Variants in NOTCH2 observed in about 807,000 individuals in gnomAD.
NOTCH2 encodes the protein neurogenic locus notch homolog protein 2.
In NOTCH2, 29 loss-of-function variants were observed where a neutral mutation model predicts 235.8. That is an observed-to-expected ratio of 0.12 (90% CI 0.09 to 0.17). The LOEUF (loss-of-function observed/expected upper bound fraction) is 0.17. NOTCH2 is among the 10% of genes least tolerant of loss of function. NOTCH2 has a pLI of 1.00. For missense variants in NOTCH2, 2,285 were observed against 3,150.2 expected (o/e 0.73, Z 6.57); for synonymous variants, 1,086 against 1,141.5 (o/e 0.95, Z 0.98).
intron 22 of NOTCH2, chr1:119,935,064 C>T (rs1649797936): frequency 2.1e-6 from 2 of 966,622 alleles, no homozygotes; most frequent in Middle Eastern, 5.3e-4. Flanking sequence ...ATTCATTCCC[C>T]CACCTTATAG....
At chr1:120,010,962 T>A (rs1336142519) in intron 2 of NOTCH2, among the ~76,000 whole-genome samples, 1 of 152,198 alleles carries the variant, frequency 6.6e-6, no homozygotes, top group Non-Finnish European at 1.5e-5. Context: ...TTCTGATACA[T>A]GCTACAACAT....
At chr1:119,996,614 G>A (rs587745182) in intron 4 of NOTCH2, 10 of 815,768 alleles carry the variant, frequency 1.2e-5, no homozygotes, top group African/African-American at 1.2e-4. Context: ...TACTGTTAAT[G>A]TCAATTCAGT....
At chr1:119,995,418 C>T (rs1652401143) in intron 4 of NOTCH2, 1 of 151,748 alleles carries the variant, frequency 6.6e-6, no homozygotes, top group Non-Finnish European at 1.5e-5. Flanking sequence ...TAGCCTTCAA[C>T]AATAAATCAC....
intron 14 of NOTCH2, 45 bp from the exon 15 acceptor site, chr1:119,950,882 A>G (rs782599178): frequency 8.3e-7 from 1 of 1,207,710 alleles, no homozygotes; most frequent in Non-Finnish European, 1.2e-6. Context: ...ACTTTCTGAC[A>G]GCCTCATCAA....
intron 4 of NOTCH2, 45 bp from the exon 5 acceptor site, chr1:119,987,127 A>T (rs2453040): frequency 1.8e-5 from 29 of 1,610,940 alleles, no homozygotes; most frequent in South Asian, 1.6e-4. Flanking sequence ...CTCATACAGA[A>T]GAAACGACCT....
At chr1:119,935,667 GC>G (rs1649824152) in intron 21 of NOTCH2, 63 bp from the exon 22 acceptor site, 2 of 1,560,152 alleles carry the variant, frequency 1.3e-6, no homozygotes, top group South Asian at 2.2e-5. Flanking sequence ...GACCATGAGA[GC>G]TAGTGAGATC....
intron 30 of NOTCH2, 28 bp downstream of exon 30, chr1:119,920,201 T>C: frequency 6.2e-7 from 1 of 1,613,276 alleles, no homozygotes; most frequent in South Asian, 1.1e-5. Flanking sequence ...CACAGCCCAG[T>C]GAAGAGGGGA....
intron 1 of NOTCH2, among the ~76,000 whole-genome samples, chr1:120,060,331 G>T (rs1476633391): frequency 1.4e-5 from 2 of 144,202 alleles, no homozygotes; most frequent in Non-Finnish European, 3.1e-5. Context: ...GGCATATTAA[G>T]ATTAAGTAAT....
rs746314617 is a variant in NOTCH2, at chr1:119,926,500, G to C, written c.4004C>G (p.Pro1335Arg). 10 of 1,597,124 alleles carry C rather than the reference G, an allele frequency of 6.3e-6. No individual in the cohort carries two copies. In the East Asian group the frequency reaches 2.2e-4, roughly 36 times the overall value. ...MPDGFICRCP[P>R]GFSGARCQSS... ...TTAGATGAGCAACAGGGCACTTACC[G>C]GGGGACAACGGCAAATGAAACCATC... The change falls in exon 24 of 34, where the codon CCG (proline) becomes CGG (arginine). Residue 1335 changes from proline (P) to arginine (R), a missense_variant and splice_region_variant. Transcript: ENST00000256646.
intron 2 of NOTCH2, among the ~76,000 whole-genome samples, chr1:120,006,972 T>C (rs1463984590): frequency 5.3e-5 from 8 of 152,184 alleles, no homozygotes; most frequent in Non-Finnish European, 1.2e-4. Flanking sequence ...CCCAGAAGAA[T>C]TGTGCGGTAG....
rs1439968793 is a variant in NOTCH2, at chr1:120,005,492, C to T, written c.252G>A (p.Met84Ile). ...QNGGTCVAQA[M>I]LGKATCRCAS... ...CACATCGGCACGTGGCTTTCCCCAGCATGGCCTGGGCCACACAAGTCCCAC... is the reference window on the plus strand; with the variant it reads ...CACATCGGCACGTGGCTTTCCCCAGTATGGCCTGGGCCACACAAGTCCCAC... Residue 84 changes from methionine (M) to isoleucine (I), a missense_variant, in exon 3 of 34, where the codon ATG becomes ATA. Physicochemically the swap from Met to Ile is conservative, Grantham distance 10. Transcript: ENST00000256646. The T allele has an allele frequency of 6.2e-7, 1 of 1,613,484 alleles. No individual in the cohort carries two copies. The highest frequency in any genetic ancestry group is 2.2e-5 in the East Asian group (1 of 44,820).
chr1:119,999,702 T>A (rs1324331176), intron 3 of NOTCH2, among the ~76,000 whole-genome samples: 1 of 151,924 alleles, frequency 6.6e-6, no homozygotes, highest in African/African-American at 2.4e-5. Context: ...GCCAACATGG[T>A]GAAATGCCAT....
Position 119,935,437 on chromosome 1 carries a change from C to T in NOTCH2, c.3655+35G>A, listed in dbSNP as rs587738385. 1.0e-4 allele frequency: 162 copies of T among 1,613,986 alleles called. 1 individual carries two copies. In the East Asian group the frequency reaches 1.8e-3, roughly 18 times the overall value. On this transcript the variant is annotated intron_variant, in intron 22 of 33. Transcript: ENST00000256646. ...AATGGATTTATAACTTAAGACAATG[C>T]CCTGGATGGAAAATGGATAAGGATG...
At chr1:119,987,400 A>T (rs1398207710) in intron 4 of NOTCH2, among the ~76,000 whole-genome samples, 4 of 152,172 alleles carry the variant, frequency 2.6e-5, no homozygotes, top group Non-Finnish European at 4.4e-5. Flanking sequence ...CAAGGGTTCT[A>T]AAAAAACAGG....
chr1:119,968,050 A>G, intron 7 of NOTCH2, 27 bp downstream of exon 7: 1 of 1,613,782 alleles, frequency 6.2e-7, no homozygotes, highest in Non-Finnish European at 8.5e-7. Context: ...GACACTTCAC[A>G]GAACAGAAAA....
chr1:119,945,314 T>C (rs1328400276), intron 17 of NOTCH2, among the ~76,000 whole-genome samples: 1 of 151,640 alleles, frequency 6.6e-6, no homozygotes, highest in Non-Finnish European at 1.5e-5. Flanking sequence ...AAAAGGAAAA[T>C]GGAAACAATA....
intron 11 of NOTCH2, among the ~76,000 whole-genome samples, chr1:119,960,093 T>C (rs1650876535): frequency 6.6e-6 from 1 of 152,170 alleles, no homozygotes; most frequent in South Asian, 2.1e-4. Context: ...GAAACCCCAT[T>C]TTAATTGAAA....
Position 119,917,651 on chromosome 1 carries a change from C to A in NOTCH2, c.6027+14G>T, listed in dbSNP as rs766834643. 11 of 1,575,130 alleles carry A rather than the reference C, an allele frequency of 7.0e-6. No homozygotes were observed. In the South Asian group the frequency reaches 8.9e-5, roughly 13 times the overall value. On this transcript the variant is annotated intron_variant, in intron 33 of 33. Coordinates refer to ENST00000256646, the MANE Select transcript of NOTCH2 (RefSeq NM_024408.4). ...GCTATGAGCCTCCTCAAGCTCAGAGCCCACAAACTGTACCTTGTTGTCCTG... is the reference window on the plus strand; with the variant it reads ...GCTATGAGCCTCCTCAAGCTCAGAGACCACAAACTGTACCTTGTTGTCCTG...
At chr1:119,941,500 T>C (rs1650062644) in intron 18 of NOTCH2, 26 bp downstream of exon 18, 1 of 1,504,116 alleles carries the variant, frequency 6.6e-7, no homozygotes, top group Admixed American at 1.7e-5. Flanking sequence ...CGTAAGATGC[T>C]GATGCCCGAG....
Sources: gnomAD v4.1 joint callset for allele counts (sites outside exome capture counted in the v4.1 genomes callset) on GRCh38, gnomAD v4.1.1 for gene constraint, MANE v1.5 for transcripts, NCBI Gene and HGNC (gene_info 2026-07-23, HGNC 2026-07-21) for gene names.